ARID3B: variants seen among roughly 807,000 people sequenced by gnomAD.
ARID3B encodes the protein AT-rich interactive domain-containing protein 3B.
ARID3B carries 10 observed loss-of-function variants against 51.9 expected under a neutral mutation model. The observed-to-expected ratio is 0.19, with a 90% CI of 0.12 to 0.33. The LOEUF (loss-of-function observed/expected upper bound fraction) is 0.33. ARID3B is among the 10% of genes least tolerant of loss of function. The pLI, the probability that ARID3B is intolerant of heterozygous loss-of-function variation, is 1.00. For synonymous variants in ARID3B, 205 were observed against 279.5 expected (o/e 0.73, Z 2.66); for missense variants, 483 against 716.3 (o/e 0.67, Z 3.72).
rs2061826219 is a variant in ARID3B at position 74,596,574 on chromosome 15, C to G, written c.*800C>G. On this transcript the variant is annotated 3_prime_UTR_variant, in exon 9 of 9. Coordinates refer to ENST00000346246, the MANE Select transcript of ARID3B (RefSeq NM_006465.4). The stretch of plus-strand genomic sequence containing the variant: ...CCCAAAAACAGCCCACTCATCCTTT[C>G]CCCAGCCCTCTTCAGCCCTCCCCAG... 4.3e-6 allele frequency: 1 copy of G among 233,764 alleles called. No individual in the cohort carries two copies. Among genetic ancestry groups the G allele is most frequent in the Non-Finnish European group, 8.5e-6 (1 of 118,122 alleles). The allele number at this position is 233,764 out of a possible 1,614,324, so 14.5% of individuals were successfully genotyped here.
intron 2 of ARID3B, among the ~76,000 whole-genome samples, chr15:74,554,918 G>A (rs887357194): frequency 6.6e-6 from 1 of 151,756 alleles, no homozygotes; most frequent in Admixed American, 6.6e-5. Flanking sequence ...GGTCTATTAA[G>A]TATACAGTAG....
intron 8 of ARID3B, among the ~76,000 whole-genome samples, chr15:74,594,441 C>T (rs1380048125): frequency 1.3e-5 from 2 of 152,066 alleles, no homozygotes; most frequent in Non-Finnish European, 2.9e-5. Flanking sequence ...GAGTGAGACT[C>T]CGTCTCAAAA....
intron 4 of ARID3B, among the ~76,000 whole-genome samples, chr15:74,576,206 T>C (rs1272292839): frequency 6.6e-6 from 1 of 152,116 alleles, no homozygotes; most frequent in African/African-American, 2.4e-5. Context: ...CTGTAGGACG[T>C]TTAGCAGTAT....
rs1484043482 is a variant in ARID3B at position 74,597,408 on chromosome 15, A to G, written c.*1634A>G. 1.3e-5 allele frequency: 6 copies of G among 449,432 alleles called. No individual in the cohort carries two copies. The highest frequency in any genetic ancestry group is 1.0e-4 in the Admixed American group (3 of 29,498). The allele number at this position is 449,432 out of a possible 1,614,324, so 27.8% of individuals were successfully genotyped here. A position where few individuals can be genotyped will look rare whatever the true frequency, so the allele number is the denominator to read the frequency against. ...CTGTGTAGGAGAGGAAAGGGAATCAAAAGCTTGAGCACAAACAGATACCTC... is the reference window on the plus strand; with the variant it reads ...CTGTGTAGGAGAGGAAAGGGAATCAGAAGCTTGAGCACAAACAGATACCTC... On this transcript the variant is annotated 3_prime_UTR_variant, in exon 9 of 9. Coordinates refer to ENST00000346246, the MANE Select transcript of ARID3B (RefSeq NM_006465.4).
intron 4 of ARID3B, among the ~76,000 whole-genome samples, chr15:74,588,958 GAAAT>G (rs1465573521): frequency 1.4e-5 from 2 of 147,630 alleles, no homozygotes; most frequent in East Asian, 2.1e-4. Context: ...ACACGAGAGA[GAAAT>G]AAACCATTTC....
chr15:74,567,708 T>A (rs1176340565), intron 2 of ARID3B, among the ~76,000 whole-genome samples: 2 of 152,186 alleles, frequency 1.3e-5, no homozygotes, highest in Non-Finnish European at 2.9e-5. Context: ...AAAGTCCTTC[T>A]GTAGACCTGA....
chr15:74,588,586 G>A (rs1207784365), intron 4 of ARID3B, among the ~76,000 whole-genome samples: 3 of 152,066 alleles, frequency 2.0e-5, no homozygotes, highest in Admixed American at 6.6e-5. Flanking sequence ...TGCCCTGGAC[G>A]GTGACCCTTC....
chr15:74,597,724 G>A lies in ARID3B; in HGVS notation c.*1950G>A. ...AAGGATGGACTCTTCCCACCCAGAG[G>A]ATGCAGGGAAAGCACACTGTGTCTT... On this transcript the variant is annotated 3_prime_UTR_variant, in exon 9 of 9. Transcript: ENST00000346246. The A allele has an allele frequency of 2.1e-6, 1 of 478,322 alleles. No homozygotes were observed. Among genetic ancestry groups the A allele is most frequent in the East Asian group, 4.0e-5 (1 of 25,194 alleles). The allele number at this position is 478,322 out of a possible 1,614,324, so 29.6% of individuals were successfully genotyped here.
At chr15:74,545,854 G>C (rs943849348) in intron 2 of ARID3B, among the ~76,000 whole-genome samples, 2 of 152,200 alleles carry the variant, frequency 1.3e-5, no homozygotes, top group African/African-American at 4.8e-5. Context: ...TTGCCCTTGT[G>C]ATCTTTTAGT....
intron 2 of ARID3B, among the ~76,000 whole-genome samples, chr15:74,571,402 G>A (rs2061718497): frequency 6.6e-6 from 1 of 152,200 alleles, no homozygotes; most frequent in African/African-American, 2.4e-5. Context: ...CCAGCCAGCT[G>A]GGTGGCATGG....
chr15:74,558,404 G>A (rs915443812), intron 2 of ARID3B, among the ~76,000 whole-genome samples: 9 of 151,396 alleles, frequency 5.9e-5, no homozygotes, highest in East Asian at 1.9e-4. Flanking sequence ...ATGGTTTGTC[G>A]TAATTATTGT....
intron 4 of ARID3B, among the ~76,000 whole-genome samples, chr15:74,586,385 A>T (rs1332770984): frequency 1.3e-5 from 2 of 152,206 alleles, no homozygotes; most frequent in African/African-American, 4.8e-5. Context: ...AGCAGTTCTC[A>T]GTCTAATATA....
chr15:74,586,987 T>C (rs1355027596), intron 4 of ARID3B, among the ~76,000 whole-genome samples: 1 of 152,148 alleles, frequency 6.6e-6, no homozygotes, highest in East Asian at 1.9e-4. Flanking sequence ...GAGCGTGTTT[T>C]GGGGGCAATA....
intron 2 of ARID3B, 142 bp downstream of exon 2, chr15:74,544,630 G>T: frequency 4.4e-6 from 3 of 674,876 alleles, no homozygotes; most frequent in South Asian, 2.6e-5. Context: ...AATAGACTTT[G>T]GATTTTTTTC....
rs1484941107 is a variant in ARID3B, at chr15:74,596,958, G to C, written c.*1184G>C. 4.3e-6 allele frequency: 1 copy of C among 233,640 alleles called. No individual in the cohort carries two copies. Among genetic ancestry groups the C allele is most frequent in the Non-Finnish European group, 8.5e-6 (1 of 118,076 alleles). The allele number at this position is 233,640 out of a possible 1,614,324, so 14.5% of individuals were successfully genotyped here. ...GCAGGGGAGACGACTCAGGGATCGC[G>C]GGGGCGGGGAGGTGGAGTGGAGAGG... On this transcript the variant is annotated 3_prime_UTR_variant, in exon 9 of 9. Coordinates refer to ENST00000346246, the MANE Select transcript of ARID3B (RefSeq NM_006465.4).
chr15:74,546,847 G>T (rs1254956345), intron 2 of ARID3B, among the ~76,000 whole-genome samples: 1 of 152,172 alleles, frequency 6.6e-6, no homozygotes, highest in Non-Finnish European at 1.5e-5. Context: ...CGTCAGATGT[G>T]CACGTCCTTT....
At chr15:74,586,299 A>G (rs1330859262) in intron 4 of ARID3B, among the ~76,000 whole-genome samples, 1 of 152,176 alleles carries the variant, frequency 6.6e-6, no homozygotes, top group Non-Finnish European at 1.5e-5. Context: ...TTAGGTTACA[A>G]CCTTGACTTC....
In ARID3B at chr15:74,596,251, C is replaced by G. The variant is rs1596267148; in HGVS notation, c.*477C>G. On this transcript the variant is annotated 3_prime_UTR_variant, in exon 9 of 9. Transcript: ENST00000346246. ...GGAGCCAAGAGCATGCCTTCATGCC[C>G]TTCTCTGCAGAGCATGGGATGGGGC... 4.2e-6 allele frequency: 1 copy of G among 237,564 alleles called. No individual in the cohort carries two copies. The highest frequency in any genetic ancestry group is 2.2e-5 in the African/African-American group (1 of 45,538). The allele number at this position is 237,564 out of a possible 1,614,324, so 14.7% of individuals were successfully genotyped here.
chr15:74,583,864 A>G (rs938874616), intron 4 of ARID3B, among the ~76,000 whole-genome samples: 3 of 152,194 alleles, frequency 2.0e-5, no homozygotes, highest in African/African-American at 7.2e-5. Context: ...TGGAGGTGGA[A>G]GGCTTAAGGA....
Sources: allele counts gnomAD v4.1 joint callset (sites outside exome capture counted in the v4.1 genomes callset), GRCh38; gene constraint gnomAD v4.1.1; transcripts MANE v1.5; gene names NCBI Gene and HGNC (gene_info 2026-07-23, HGNC 2026-07-21).